CSNK2A1: variants seen among roughly 807,000 people sequenced by gnomAD.
The protein encoded by CSNK2A1 is casein kinase II subunit alpha.
A neutral mutation model predicts 62.9 loss-of-function variants in CSNK2A1; 10 were observed. That is an observed-to-expected ratio of 0.16 (90% confidence interval 0.10 to 0.27). CSNK2A1 has a LOEUF of 0.27. CSNK2A1 is among the 10% of genes least tolerant of loss of function. CSNK2A1 has a pLI of 1.00. For missense variants in CSNK2A1, 160 were observed against 492.0 expected, an observed-to-expected ratio of 0.33 and a Z score of 6.38; for synonymous variants, 124 against 167.8, an observed-to-expected ratio of 0.74 and a Z score of 2.02.
rs954235084 is a variant in CSNK2A1, at chr20:489,695, T to A, written c.723+85A>T. The stretch of plus-strand genomic sequence containing the variant: ...AAGGATCAATATCGGGGTGGCTGAA[T>A]AAACAGTGAACTGAAAGTTACAGGC... On this transcript the variant is annotated intron_variant, in intron 10 of 13. Transcript: ENST00000217244. 8 of 1,136,450 alleles carry A rather than the reference T, an allele frequency of 7.0e-6. No individual in the cohort carries two copies. The African/African-American group carries it at 1.2e-4, about 18-fold the overall frequency. 70.4% of individuals were successfully genotyped at this position (1,136,450 alleles called of 1,614,324 possible).
Position 481,214 on chromosome 20 carries a change from C to T in CSNK2A1, c.*2747G>A, listed in dbSNP as rs535872380. On this transcript the variant is annotated 3_prime_UTR_variant, in exon 14 of 14. Coordinates refer to ENST00000217244, the MANE Select transcript of CSNK2A1 (RefSeq NM_177559.3). The stretch of plus-strand genomic sequence containing the variant: ...CATACCAATTACAATACAATTACAA[C>T]CAATAAAGCAAGGTGGGGAGGGCCT... The T allele has an allele frequency of 6.6e-6, 1 of 152,028 alleles. No individual in the cohort carries two copies. Among genetic ancestry groups the T allele is most frequent in the Non-Finnish European group, 1.5e-5 (1 of 68,002 alleles). The allele number at this position is 152,028 out of a possible 1,614,324, so 9.4% of individuals were successfully genotyped here.
chr20:484,724 G>T (rs1369317624), intron 13 of CSNK2A1, among the ~76,000 whole-genome samples: 1 of 146,584 alleles, frequency 6.8e-6, no homozygotes, highest in Non-Finnish European at 1.5e-5. Flanking sequence ...GTGTGTGTGT[G>T]TACACACAGG....
At chr20:488,839 T>C in intron 10 of CSNK2A1, 61 bp from the exon 11 acceptor site, 1 of 1,451,484 alleles carries the variant, frequency 6.9e-7, no homozygotes, top group South Asian at 1.2e-5. Context: ...AAATCAACAA[T>C]TAACAATGAT....
chr20:519,227 C>T (rs910572388), intron 2 of CSNK2A1, among the ~76,000 whole-genome samples: 3 of 152,140 alleles, frequency 2.0e-5, no homozygotes, highest in African/African-American at 4.8e-5. Flanking sequence ...CGTAAGCCAC[C>T]GTGCCCAGCC....
rs2018004965 is a variant in CSNK2A1 at position 483,830 on chromosome 20, T to C, written c.*131A>G. ...TTTTTTTTTTATGACTGAACTACTA[T>C]AAATCCACAAGCAACGGTTCAGACA... On this transcript the variant is annotated 3_prime_UTR_variant, in exon 14 of 14. Coordinates refer to ENST00000217244, the MANE Select transcript of CSNK2A1 (RefSeq NM_177559.3). 1.6e-6 allele frequency: 1 copy of C among 629,204 alleles called. No homozygotes were observed. The highest frequency in any genetic ancestry group is 2.4e-6 in the Non-Finnish European group (1 of 420,208). The allele number at this position is 629,204 out of a possible 1,614,324, so 39.0% of individuals were successfully genotyped here. A position where few individuals can be genotyped will look rare whatever the true frequency, so the allele number is the denominator to read the frequency against.
At chr20:487,629 A>G in intron 11 of CSNK2A1, 54 bp from the exon 12 acceptor site, 1 of 1,610,984 alleles carries the variant, frequency 6.2e-7, no homozygotes, top group Non-Finnish European at 8.5e-7. Context: ...CAGAAGCCCA[A>G]CATTTCATTC....
intron 8 of CSNK2A1, among the ~76,000 whole-genome samples, chr20:493,707 G>A (rs2018285272): frequency 6.6e-6 from 1 of 152,298 alleles, no homozygotes; most frequent in East Asian, 1.9e-4. Context: ...CATCACATAT[G>A]TAAGTTGATA....
At chr20:534,456 A>G (rs956104721) in intron 1 of CSNK2A1, among the ~76,000 whole-genome samples, 37 of 152,204 alleles carry the variant, frequency 2.4e-4, no homozygotes, top group African/African-American at 8.4e-4. Flanking sequence ...AAATGATGGA[A>G]AAGCTTTTCT....
intron 7 of CSNK2A1, chr20:496,476 T>C (rs2018348979): frequency 6.6e-6 from 1 of 152,212 alleles, no homozygotes; most frequent in African/African-American, 2.4e-5. Flanking sequence ...AACTGAGTAG[T>C]ATAATCTTTG....
In CSNK2A1 at chr20:485,771, A is replaced by C. The variant is rs111837035; in HGVS notation, c.1060+605T>G. On this transcript the variant is annotated intron_variant, in intron 13 of 13. Transcript: ENST00000217244. ...AGAGGAGGGCAACAGCAATTATTTGAGGATATGTAAGTAAATGCCTTCACT... is the reference window on the plus strand; with the variant it reads ...AGAGGAGGGCAACAGCAATTATTTGCGGATATGTAAGTAAATGCCTTCACT... 5.2e-3 allele frequency among the ~76,000 whole-genome samples: 796 copies of C among 152,324 alleles called. 10 individuals carry two copies. The highest frequency in any genetic ancestry group is 0.018 in the African/African-American group (756 of 41,566).
At chr20:533,529 G>T (rs2019254829) in intron 1 of CSNK2A1, among the ~76,000 whole-genome samples, 1 of 152,168 alleles carries the variant, frequency 6.6e-6, no homozygotes, top group Non-Finnish European at 1.5e-5. Flanking sequence ...CTTGAACCCA[G>T]GAGGCAGAGG....
chr20:485,101 A>ATATATATAT (rs2018057838), intron 13 of CSNK2A1, among the ~76,000 whole-genome samples: 16 of 31,854 alleles, frequency 5.0e-4, no homozygotes, highest in Non-Finnish European at 8.6e-4. Flanking sequence ...AAAAAAAAAA[A>ATATATATAT]AAAAAAAAAT....
intron 2 of CSNK2A1, among the ~76,000 whole-genome samples, chr20:526,341 T>C (rs2019089395): frequency 6.6e-6 from 1 of 151,946 alleles, no homozygotes; most frequent in Non-Finnish European, 1.5e-5. Context: ...CCAGGCATGG[T>C]GGCTCATGAC....
rs890132948 is a variant in CSNK2A1, at chr20:542,858, T to C, written c.-227+814A>G. On this transcript the variant is annotated intron_variant, in intron 1 of 13. Transcript: ENST00000217244. ...AAACTCTTTCCTCCACACAAAGCAA[T>C]AGCCAAGATGCAACTTCTCCTGACC... Among the ~76,000 whole-genome samples the C allele has an allele frequency of 6.6e-5, 10 of 152,166 alleles. No homozygotes were observed. In the East Asian group the frequency reaches 9.6e-4, roughly 15 times the overall value.
At chr20:498,765 A>G (rs2018398197) in intron 6 of CSNK2A1, 1 of 152,136 alleles carries the variant, frequency 6.6e-6, no homozygotes, top group East Asian at 1.9e-4. Context: ...ATAGACTGGA[A>G]TTCTGAGATA....
At chr20:527,902 C>T (rs1170476058) in intron 2 of CSNK2A1, 31 bp downstream of exon 2, 1 of 152,080 alleles carries the variant, frequency 6.6e-6, no homozygotes, top group Non-Finnish European at 1.5e-5. Context: ...CTTTTTAAAC[C>T]AGGGGAAAAA....
intron 1 of CSNK2A1, among the ~76,000 whole-genome samples, chr20:533,701 A>G (rs190529380): frequency 1.3e-5 from 2 of 152,390 alleles, no homozygotes; most frequent in Admixed American, 6.5e-5. Context: ...AGAAAACATT[A>G]GCATTTGGGC....
chr20:504,291 T>TA (rs2018532048), intron 4 of CSNK2A1: 1 of 152,180 alleles, frequency 6.6e-6, no homozygotes, highest in Admixed American at 6.5e-5. Flanking sequence ...CGTGAAAAAT[T>TA]AAAGACAGTA....
chr20:493,320 G>C (rs1414061190), intron 8 of CSNK2A1, among the ~76,000 whole-genome samples: 1 of 152,100 alleles, frequency 6.6e-6, no homozygotes, highest in Non-Finnish European at 1.5e-5. Flanking sequence ...CCTCTTGTTT[G>C]ATATATTGCC....
Sources: gnomAD v4.1 joint callset for allele counts (sites outside exome capture counted in the v4.1 genomes callset) on GRCh38, gnomAD v4.1.1 for gene constraint, MANE v1.5 for transcripts, NCBI Gene and HGNC (gene_info 2026-07-23, HGNC 2026-07-21) for gene names.